Variants in GRIA3 observed in about 807,000 individuals in gnomAD.
The protein encoded by GRIA3 is glutamate receptor 3.
GRIA3 carries 3 observed loss-of-function variants against 63.0 expected under a neutral mutation model. That is an observed-to-expected ratio of 0.05 (90% CI 0.02 to 0.12). The LOEUF (loss-of-function observed/expected upper bound fraction) is 0.12, where lower values mean the gene tolerates loss of function less well. Ranked by LOEUF, GRIA3 falls within the 10% of genes least tolerant of loss-of-function variation. The probability of loss-of-function intolerance (pLI) is 1.00; values close to 1 mark genes in which losing one functional copy is unlikely to be tolerated. For missense variants in GRIA3, 347 were observed against 700.9 expected (o/e 0.50, Z 5.70); for synonymous variants, 274 against 257.9 (o/e 1.06, Z -0.60).
At chrX:123,398,532 C>A in intron 6 of GRIA3, 104 bp from the exon 7 acceptor site, 1 of 622,627 alleles carries the variant, frequency 1.6e-6, no homozygotes. Flanking sequence ...AGGGGGGTGA[C>A]TGCATAGAAC....
chrX:123,451,363 G>GGATGAGGT (rs1227558074), intron 12 of GRIA3, among the ~76,000 whole-genome samples: 2 of 107,086 alleles, frequency 1.9e-5, no homozygotes, highest in Non-Finnish European at 3.9e-5. Flanking sequence ...AAAATTAGCT[G>GGATGAGGT]GATGAGGTGG....
chrX:123,474,856 A>C (rs978778239), intron 13 of GRIA3, among the ~76,000 whole-genome samples: 30 of 111,742 alleles, frequency 2.7e-4, no homozygotes, highest in African/African-American at 9.8e-4. Flanking sequence ...TGAGCCTGGA[A>C]TCCAGGAGAC....
At chrX:123,464,537 G>A (rs1391307282) in intron 12 of GRIA3, among the ~76,000 whole-genome samples, 1 of 111,422 alleles carries the variant, frequency 9.0e-6, no homozygotes, top group African/African-American at 3.3e-5. Flanking sequence ...TGAGAGGAAG[G>A]TTGAACTAAC....
intron 14 of GRIA3, among the ~76,000 whole-genome samples, chrX:123,481,420 T>C (rs1334441516): frequency 1.8e-5 from 2 of 112,357 alleles, no homozygotes; most frequent in Admixed American, 9.4e-5. Context: ...TCAATTTCAA[T>C]TGGACCTTTT....
chrX:123,210,242 G>A (rs1189515142), intron 2 of GRIA3, among the ~76,000 whole-genome samples: 2 of 99,919 alleles, frequency 2.0e-5, no homozygotes, highest in Admixed American at 1.1e-4. Context: ...TGTGTGAGTT[G>A]CCTTTATTTC....
intron 2 of GRIA3, among the ~76,000 whole-genome samples, chrX:123,238,614 G>A (rs1364530268): frequency 2.7e-5 from 3 of 112,186 alleles, no homozygotes; most frequent in Admixed American, 9.4e-5. Flanking sequence ...CATTTTTCTA[G>A]GCTGTTTCAT....
At chrX:123,343,498 T>C (rs769715564) in intron 4 of GRIA3, among the ~76,000 whole-genome samples, 57 of 111,099 alleles carry the variant, frequency 5.1e-4, no homozygotes, top group Non-Finnish European at 9.6e-4. Context: ...CAATCTGGAC[T>C]TTTCTTCAGG....
At chrX:123,241,270 G>C (rs560871037) in intron 2 of GRIA3, among the ~76,000 whole-genome samples, 1 of 111,170 alleles carries the variant, frequency 9.0e-6, no homozygotes, top group Non-Finnish European at 1.9e-5. Flanking sequence ...CCTAGAGGCC[G>C]AGTCAAAACC....
chrX:123,401,367 C>T (rs2045442679), intron 7 of GRIA3, among the ~76,000 whole-genome samples: 1 of 111,892 alleles, frequency 8.9e-6, no homozygotes, highest in African/African-American at 3.2e-5. Context: ...CTAATGAAGG[C>T]TTTCCTTAAT....
At chrX:123,345,439 AACACACACACACACAC>A (rs59142587) in intron 4 of GRIA3, among the ~76,000 whole-genome samples, 245 of 65,865 alleles carry the variant, frequency 3.7e-3, no homozygotes, top group East Asian at 0.011. Flanking sequence ...CCCCCTTCAC[AACACACACACACACAC>A]ACACACACAC....
At chrX:123,320,970 G>A (rs1017133584) in intron 3 of GRIA3, among the ~76,000 whole-genome samples, 7 of 111,644 alleles carry the variant, frequency 6.3e-5, no homozygotes, top group African/African-American at 2.3e-4. Flanking sequence ...CTAAGCTATT[G>A]GGCTTCCATA....
At chrX:123,464,219 A>C (rs1403898178) in intron 12 of GRIA3, among the ~76,000 whole-genome samples, 2 of 111,732 alleles carry the variant, frequency 1.8e-5, no homozygotes, top group Admixed American at 1.9e-4. Context: ...TATTGAATAC[A>C]ATATTCACAA....
chrX:123,259,267 G>A (rs1347150672), intron 3 of GRIA3, among the ~76,000 whole-genome samples: 2 of 111,402 alleles, frequency 1.8e-5, no homozygotes, highest in Non-Finnish European at 3.8e-5. Flanking sequence ...GGCTAGATTT[G>A]AACTCTACTG....
intron 3 of GRIA3, among the ~76,000 whole-genome samples, chrX:123,257,907 C>G (rs767017693): frequency 8.9e-6 from 1 of 112,123 alleles, no homozygotes; most frequent in Non-Finnish European, 1.9e-5. Context: ...GACTCTGCTT[C>G]TATTTCTGTC....
Position 123,482,983 on chromosome X carries a change from A to G in GRIA3, c.2624A>G (p.Gln875Arg). The change falls in exon 15 of 16, where the codon CAG becomes CGG. Residue 875 changes from glutamine to arginine, a missense_variant. Coordinates refer to ENST00000620443, the MANE Select transcript of GRIA3 (RefSeq NM_007325.5). ...NFKPAPATNT[Q>R]NYATYREGYN... ...AAGCCTGCTCCTGCCACCAACACTC[A>G]GAATTATGCTACATACAGAGAAGGC... 1.7e-6 allele frequency: 2 copies of G among 1,205,957 alleles called. No homozygotes were observed. The highest frequency in any genetic ancestry group is 2.2e-6 in the Non-Finnish European group (2 of 890,036).
chrX:123,225,986 T>C (rs2044244452), intron 2 of GRIA3, among the ~76,000 whole-genome samples: 1 of 111,926 alleles, frequency 8.9e-6, no homozygotes, highest in Non-Finnish European at 1.9e-5. Context: ...TAATATCCCT[T>C]GATAAGAAAT....
intron 7 of GRIA3, among the ~76,000 whole-genome samples, chrX:123,400,415 A>G (rs148923022): frequency 0.016 from 1,773 of 111,757 alleles, 37 homozygotes; most frequent in African/African-American, 0.054. Context: ...ATTTTTTCCA[A>G]AAGTAGACAG....
intron 2 of GRIA3, among the ~76,000 whole-genome samples, chrX:123,212,486 A>C (rs1928065533): frequency 9.0e-6 from 1 of 111,719 alleles, no homozygotes; most frequent in Non-Finnish European, 1.9e-5. Context: ...AATTTACTAT[A>C]TGGCATTGTC....
chrX:123,389,202 A>G (rs780211915), intron 5 of GRIA3, among the ~76,000 whole-genome samples: 1 of 112,253 alleles, frequency 8.9e-6, no homozygotes, highest in South Asian at 3.7e-4. Context: ...TAGCTGTTGG[A>G]TGAAATGTTC....
Sources: allele counts gnomAD v4.1 joint callset (sites outside exome capture counted in the v4.1 genomes callset), GRCh38; gene constraint gnomAD v4.1.1; transcripts MANE v1.5; gene names NCBI Gene and HGNC (gene_info 2026-07-23, HGNC 2026-07-21).